The following VWA2 variants were observed in gnomAD, a reference collection of about 807,000 sequenced individuals.
VWA2 encodes the protein von Willebrand factor A domain containing 2.
VWA2 carries 73 observed loss-of-function variants against 70.4 expected under a neutral mutation model. The observed-to-expected ratio is 1.04, with a 90% confidence interval of 0.86 to 1.26. The LOEUF is 1.26. Among genes scored for constraint, VWA2 ranks in the 50% most tolerant of loss-of-function variants. The probability of loss-of-function intolerance (pLI) is 0.00; values close to 1 mark genes in which losing one functional copy is unlikely to be tolerated. For missense variants in VWA2, 1,011 were observed against 998.5 expected (o/e 1.01, Z -0.17); for synonymous variants, 407 against 423.3 (o/e 0.96, Z 0.47).
At position 114,283,360 on chromosome 10, in the gene VWA2, G is replaced by C. The variant is rs545980831; in HGVS notation, c.889+789G>C. Among the ~76,000 whole-genome samples, 24 of 151,748 alleles carry C rather than the reference G, an allele frequency of 1.6e-4. No homozygotes were observed. The South Asian group carries it at 5.0e-3, about 32-fold the overall frequency. Reference sequence around the variant, plus strand: ...AGACACACAGGCAGGGTAGCGAGCAGTTAGACACACAGGCAGGGTAGCGAG... The same window carrying C: ...AGACACACAGGCAGGGTAGCGAGCACTTAGACACACAGGCAGGGTAGCGAG... On this transcript the variant is annotated intron_variant, in intron 9 of 13. Transcript: ENST00000392982.
At position 114,277,939 on chromosome 10, in the gene VWA2, A is replaced by C. The variant is rs759494864; in HGVS notation, c.592A>C (p.Ser198Arg). 1.2e-6 allele frequency: 2 copies of C among 1,610,800 alleles called. No homozygotes were observed. Among genetic ancestry groups the C allele is most frequent in the Non-Finnish European group, 1.7e-6 (2 of 1,178,604 alleles). Residue 198 changes from serine (S) to arginine (R), a missense_variant, in exon 7 of 14, where the codon AGC (serine) becomes CGC (arginine). Coordinates refer to ENST00000392982, the MANE Select transcript of VWA2 (RefSeq NM_001272046.2). ...PRWEELHALA[S>R]EPRGQHVLLA... The stretch of plus-strand genomic sequence containing the variant: ...GTGGGAGGAGCTGCATGCACTGGCC[A>C]GCGAGCCTAGAGGGCAGCACGTGCT...
chr10:114,283,122 T>C (rs1169200453), intron 9 of VWA2, among the ~76,000 whole-genome samples: 1 of 152,226 alleles, frequency 6.6e-6, no homozygotes, highest in Non-Finnish European at 1.5e-5. Context: ...ATCCCTCACT[T>C]GGGGTGCTAG....
At chr10:114,278,086 T>A (rs758393128) in intron 7 of VWA2, 39 bp downstream of exon 7, 17 of 1,590,534 alleles carry the variant, frequency 1.1e-5, no homozygotes, top group Admixed American at 8.4e-5. Flanking sequence ...AAGTGCCATG[T>A]GGGGTCGGGG....
Position 114,278,774 on chromosome 10 carries a change from G to T in VWA2, c.756G>T (p.Glu252Asp). ...ACAGGACGCTGGAGATGGTCCGGGA[G>T]TTCGCTGGCAATGCCCCATGCTGGA... The part of the protein sequence containing the change: ...CEHRTLEMVR[E>D]FAGNAPCWRG... The change falls in exon 8 of 14, where the codon GAG becomes GAT. Residue 252 changes from glutamate to aspartate, a missense_variant. Coordinates refer to ENST00000392982, the MANE Select transcript of VWA2 (RefSeq NM_001272046.2). 6.2e-7 allele frequency: 1 copy of T among 1,613,922 alleles called. No individual in the cohort carries two copies. Among genetic ancestry groups the T allele is most frequent in the Non-Finnish European group, 8.5e-7 (1 of 1,180,036 alleles).
chr10:114,278,303 G>A (rs1221106651), intron 7 of VWA2, among the ~76,000 whole-genome samples: 2 of 152,170 alleles, frequency 1.3e-5, no homozygotes, highest in Admixed American at 6.5e-5. Flanking sequence ...TAGGTTCCCT[G>A]TCCCCTGCTC....
In VWA2 at chr10:114,292,102, G is replaced by GT. The variant is rs1382126065; in HGVS notation, c.*868dup. On this transcript the variant is annotated 3_prime_UTR_variant, in exon 14 of 14. Coordinates refer to ENST00000392982, the MANE Select transcript of VWA2 (RefSeq NM_001272046.2). The stretch of plus-strand genomic sequence containing the variant: ...GACCAGCCTGGCCAACGTGGTGAAA[G>GT]TTTGTCTTTACTAAAAATACAAAAG... 1.3e-5 allele frequency among the ~76,000 whole-genome samples: 2 copies of GT among 152,064 alleles called. No homozygotes were observed. The highest frequency in any genetic ancestry group is 2.9e-5 in the Non-Finnish European group (2 of 67,998).
Position 114,291,321 on chromosome 10 carries a change from A to T in VWA2, c.*84A>T. ...AGGCCTGGGCACTGAAATGGTGCCTACCTTCTGGAATGTCTGTGCCCCAGG... is the reference window on the plus strand; with the variant it reads ...AGGCCTGGGCACTGAAATGGTGCCTTCCTTCTGGAATGTCTGTGCCCCAGG... On this transcript the variant is annotated 3_prime_UTR_variant, in exon 14 of 14. Transcript: ENST00000392982. 2 of 1,441,878 alleles carry T rather than the reference A, an allele frequency of 1.4e-6. No individual in the cohort carries two copies. The highest frequency in any genetic ancestry group is 1.9e-6 in the Non-Finnish European group (2 of 1,078,894). The allele number at this position is 1,441,878 out of a possible 1,614,324, so 89.3% of individuals were successfully genotyped here.
rs1010942674 is a variant in VWA2 at position 114,286,136 on chromosome 10, G to C, written c.1195G>C (p.Glu399Gln). ...RELLVAVPVG[E>Q]YQDVPDLVWS... is the part of the protein sequence containing the mutation. ...GCTGCTGGTGGCGGTGCCTGTGGGG[G>C]AGTACCAGGATGTGCCTGACCTGGT... The change falls in exon 11 of 14, where the codon GAG becomes CAG. Residue 399 changes from glutamate to glutamine, a missense_variant. Glu to Gln is a conservative substitution (Grantham distance 29). Coordinates refer to ENST00000392982, the MANE Select transcript of VWA2 (RefSeq NM_001272046.2). The C allele has an allele frequency of 6.2e-7, 1 of 1,614,130 alleles. No homozygotes were observed. The highest frequency in any genetic ancestry group is 2.2e-5 in the East Asian group (1 of 44,888).
intron 5 of VWA2, among the ~76,000 whole-genome samples, chr10:114,266,156 G>C (rs1442496684): frequency 2.0e-5 from 3 of 152,044 alleles, no homozygotes; most frequent in African/African-American, 7.2e-5. Context: ...AATTAGCCGG[G>C]CGTGGTGGCG....
Position 114,286,436 on chromosome 10 carries a change from G to A in VWA2, c.1495G>A (p.Val499Ile), listed in dbSNP as rs200143210. The change falls in exon 11 of 14, where the codon GTC becomes ATC. Residue 499 changes from valine to isoleucine, a missense_variant. By Grantham distance (29) the Val-to-Ile change is conservative (BLOSUM62 3). Transcript: ENST00000392982. The part of the protein sequence containing the change: ...EITGSPKHVM[V>I]YSDPQDLFNQ... ...CACAGGCAGCCCAAAGCATGTGATG[G>A]TCTACTCGGATCCTCAGGATCTGTT... 9.7e-5 allele frequency: 156 copies of A among 1,613,108 alleles called. No homozygotes were observed. The highest frequency in any genetic ancestry group is 1.3e-4 in the Non-Finnish European group (149 of 1,179,708).
At chr10:114,269,341 G>T (rs1295327934) in intron 5 of VWA2, among the ~76,000 whole-genome samples, 1 of 152,146 alleles carries the variant, frequency 6.6e-6, no homozygotes, top group African/African-American at 2.4e-5. Context: ...AGCGCTTTGG[G>T]AGGCCAGGGC....
At chr10:114,290,211 C>T (rs1231708189) in intron 12 of VWA2, 29 bp from the exon 13 acceptor site, 2 of 1,549,428 alleles carry the variant, frequency 1.3e-6, no homozygotes, top group Admixed American at 3.9e-5. Context: ...GCCTGGCCGG[C>T]CTGGTGGGTA....
At chr10:114,286,905 G>C (rs2038968751) in intron 11 of VWA2, among the ~76,000 whole-genome samples, 1 of 152,320 alleles carries the variant, frequency 6.6e-6, no homozygotes, top group African/African-American at 2.4e-5. Context: ...CCACAGAAAA[G>C]TGTGTTCCTG....
chr10:114,287,995 G>A (rs1003462320), intron 11 of VWA2, among the ~76,000 whole-genome samples: 2 of 152,120 alleles, frequency 1.3e-5, no homozygotes, highest in Non-Finnish European at 2.9e-5. Context: ...GTGTGGGAGT[G>A]GTTTTAAAAA....
intron 5 of VWA2, among the ~76,000 whole-genome samples, chr10:114,266,094 G>A (rs1029594875): frequency 6.6e-6 from 1 of 152,068 alleles, no homozygotes; most frequent in African/African-American, 2.4e-5. Context: ...TCGGGATATC[G>A]AGACCATCCT....
intron 6 of VWA2, 50 bp from the exon 7 acceptor site, chr10:114,277,864 A>G (rs1205307246): frequency 2.6e-6 from 4 of 1,553,488 alleles, no homozygotes; most frequent in Non-Finnish European, 1.8e-6. Flanking sequence ...ATGAGGGGGC[A>G]GGAGGAGGGT....
chr10:114,246,040 C>G (rs1220586377), intron 1 of VWA2: 3 of 624,466 alleles, frequency 4.8e-6, no homozygotes, highest in African/African-American at 3.6e-5. Context: ...GAGGACCACT[C>G]TCTGTGGCAC....
chr10:114,272,921 G>A lies in VWA2; in HGVS notation c.553G>A (p.Val185Ile). ...GGGTGTCACTGTGTTTGCTGTGGGG[G>A]TCAGGTTTCCCAGGTAAGAGCCTCA... ...ERGVTVFAVG[V>I]RFPRWEELHA... Residue 185 changes from valine (V) to isoleucine (I), a missense_variant, in exon 6 of 14, where the codon GTC (valine) becomes ATC (isoleucine). Physicochemically the swap from Val to Ile is conservative, Grantham distance 29. Coordinates refer to ENST00000392982, the MANE Select transcript of VWA2 (RefSeq NM_001272046.2). 1 of 1,611,542 alleles carries A rather than the reference G, an allele frequency of 6.2e-7. No homozygotes were observed. Among genetic ancestry groups the A allele is most frequent in the Non-Finnish European group, 8.5e-7 (1 of 1,178,656 alleles).
intron 5 of VWA2, among the ~76,000 whole-genome samples, chr10:114,267,506 C>T (rs2037597300): frequency 6.6e-6 from 1 of 151,886 alleles, no homozygotes; most frequent in Non-Finnish European, 1.5e-5. Flanking sequence ...AATCTCAGCT[C>T]ACTGCAACCT....
Sources: gnomAD v4.1 joint callset for allele counts (sites outside exome capture counted in the v4.1 genomes callset) on GRCh38, gnomAD v4.1.1 for gene constraint, MANE v1.5 for transcripts, NCBI Gene and HGNC (gene_info 2026-07-23, HGNC 2026-07-21) for gene names.